The following PRDM5 variants were observed in gnomAD, a reference collection of about 807,000 sequenced individuals.
PRDM5 encodes PR domain zinc finger protein 5.
Under a neutral mutation model 81.2 loss-of-function variants are expected in PRDM5, and 56 were observed. That is an observed-to-expected ratio of 0.69 (90% CI 0.56 to 0.86). The LOEUF is 0.86. Ranked by LOEUF, PRDM5 falls within the 40% of genes least tolerant of loss-of-function variation. The pLI, the probability that PRDM5 is intolerant of heterozygous loss-of-function variation, is 0.00. For missense variants in PRDM5, 697 were observed against 770.1 expected (o/e 0.91, Z 1.12); for synonymous variants, 267 against 256.4 (o/e 1.04, Z -0.39).
At chr4:120,777,568 T>C (rs1173880474) in intron 12 of PRDM5, among the ~76,000 whole-genome samples, 1 of 152,128 alleles carries the variant, frequency 6.6e-6, no homozygotes, top group Non-Finnish European at 1.5e-5. Context: ...CAAACCAGTA[T>C]ATTCTAGCAA....
chr4:120,696,130 A>C (rs11729301), intron 15 of PRDM5, among the ~76,000 whole-genome samples: 40,377 of 151,962 alleles, frequency 0.27, 5,993 homozygotes, highest in Non-Finnish European at 0.34. Context: ...TAAGAAACTC[A>C]GAAAGGCTCA....
At chr4:120,900,417 T>C (rs1414994522) in intron 2 of PRDM5, among the ~76,000 whole-genome samples, 1 of 152,204 alleles carries the variant, frequency 6.6e-6, no homozygotes, top group Non-Finnish European at 1.5e-5. Flanking sequence ...GTCAAGGAAG[T>C]AGATGAGGAC....
chr4:120,877,002 C>T (rs1762390076), intron 2 of PRDM5, among the ~76,000 whole-genome samples: 1 of 152,078 alleles, frequency 6.6e-6, no homozygotes, highest in Non-Finnish European at 1.5e-5. Context: ...CAAAACCTAT[C>T]CAGAAAAATC....
downstream of PRDM5, among the ~76,000 whole-genome samples, chr4:120,690,574 C>T (rs144987395): frequency 6.6e-6 from 1 of 151,900 alleles, no homozygotes; most frequent in Admixed American, 6.6e-5. Flanking sequence ...GCCAGTCAAA[C>T]ATTAAAGAAA....
Position 120,765,960 on chromosome 4 carries a change from T to C in PRDM5, c.1537+11228A>G, listed in dbSNP as rs1337178277. ...TATGCAGTTGGGACTTTTTTTTTTC[T>C]TTCTTTTTTTTTTTTTTTAGACAGA... On this transcript the variant is annotated intron_variant, in intron 13 of 15. Coordinates refer to ENST00000264808, the MANE Select transcript of PRDM5 (RefSeq NM_018699.4). Among the ~76,000 whole-genome samples the C allele has an allele frequency of 2.9e-5, 4 of 136,342 alleles. No homozygotes were observed. The East Asian group carries it at 1.2e-3, about 40-fold the overall frequency. 89.4% of individuals were successfully genotyped at this position (136,342 alleles called of 152,430 possible). A position where few individuals can be genotyped will look rare whatever the true frequency, so the allele number is the denominator to read the frequency against.
At chr4:120,773,759 C>G (rs1747640507) in intron 13 of PRDM5, among the ~76,000 whole-genome samples, 1 of 152,048 alleles carries the variant, frequency 6.6e-6, no homozygotes, top group Non-Finnish European at 1.5e-5. Context: ...AAATACTTTC[C>G]CCTTCTAACT....
At chr4:120,909,828 T>C (rs1766284632) in intron 1 of PRDM5, among the ~76,000 whole-genome samples, 1 of 63,442 alleles carries the variant, frequency 1.6e-5, no homozygotes, top group South Asian at 6.1e-4. Flanking sequence ...TCACCATTAA[T>C]AGAGAACAAT....
intron 2 of PRDM5, among the ~76,000 whole-genome samples, chr4:120,855,873 G>A (rs1360162205): frequency 3.9e-5 from 6 of 152,224 alleles, no homozygotes; most frequent in African/African-American, 1.4e-4. Context: ...TGAGAGGACA[G>A]CACTACTTAG....
At chr4:120,847,756 T>C (rs1176409647) in intron 3 of PRDM5, among the ~76,000 whole-genome samples, 2 of 152,132 alleles carry the variant, frequency 1.3e-5, no homozygotes, top group Non-Finnish European at 2.9e-5. Context: ...TGCAAATAAC[T>C]CAAAAGTCAT....
chr4:120,788,015 T>C (rs1269859901), intron 10 of PRDM5, among the ~76,000 whole-genome samples: 2 of 151,918 alleles, frequency 1.3e-5, no homozygotes, highest in African/African-American at 4.8e-5. Context: ...GACTAAAGAG[T>C]AAAAACAGGC....
rs115234313 is a variant in PRDM5, at chr4:120,752,732, C to T, written c.1623+1821G>A. On this transcript the variant is annotated intron_variant, in intron 14 of 15. Coordinates refer to ENST00000264808, the MANE Select transcript of PRDM5 (RefSeq NM_018699.4). Reference sequence around the variant, plus strand: ...CAAATGGTCTTTGTAGCCAGTCTCCCTAGGTTCAAATCTCAACTCTGCCAC... The same window carrying T: ...CAAATGGTCTTTGTAGCCAGTCTCCTTAGGTTCAAATCTCAACTCTGCCAC... 2.9e-3 allele frequency among the ~76,000 whole-genome samples: 441 copies of T among 152,218 alleles called. 4 individuals carry two copies. Among genetic ancestry groups the T allele is most frequent in the African/African-American group, 0.01 (418 of 41,540 alleles).
At chr4:120,825,760 T>C (rs1484233100) in intron 3 of PRDM5, among the ~76,000 whole-genome samples, 1 of 152,208 alleles carries the variant, frequency 6.6e-6, no homozygotes, top group Admixed American at 6.5e-5. Context: ...AGCTCTTAAA[T>C]GCTCTGCCCT....
chr4:120,709,528 T>C (rs916907428), intron 15 of PRDM5, among the ~76,000 whole-genome samples: 1 of 152,190 alleles, frequency 6.6e-6, no homozygotes, highest in Non-Finnish European at 1.5e-5. Flanking sequence ...GCTTACCCTA[T>C]GCTGTATCCA....
At chr4:120,768,987 T>C (rs950205364) in intron 13 of PRDM5, among the ~76,000 whole-genome samples, 1 of 152,210 alleles carries the variant, frequency 6.6e-6, no homozygotes, top group Non-Finnish European at 1.5e-5. Flanking sequence ...AGCTCATAGA[T>C]TGGGAAGTGT....
chr4:120,799,915 G>A (rs182831871), intron 8 of PRDM5, among the ~76,000 whole-genome samples, 170 bp from the exon 9 acceptor site: 37 of 152,140 alleles, frequency 2.4e-4, no homozygotes, highest in African/African-American at 8.2e-4. Context: ...AAAATGCAGT[G>A]GACATAAGTT....
intron 3 of PRDM5, among the ~76,000 whole-genome samples, chr4:120,852,103 A>G (rs1305956034): frequency 6.6e-6 from 1 of 152,148 alleles, no homozygotes; most frequent in Non-Finnish European, 1.5e-5. Context: ...TCCTCTAAAA[A>G]CTATATCGTT....
chr4:120,796,222 T>C (rs898431038), intron 10 of PRDM5, among the ~76,000 whole-genome samples: 8 of 152,192 alleles, frequency 5.3e-5, no homozygotes, highest in Non-Finnish European at 1.2e-4. Context: ...ATCTTCTGTT[T>C]TTACATGATT....
chr4:120,840,214 C>T (rs768803072), intron 3 of PRDM5, among the ~76,000 whole-genome samples: 3 of 152,172 alleles, frequency 2.0e-5, no homozygotes, highest in South Asian at 2.1e-4. Context: ...AGGTTCTCGC[C>T]GGGCTGGGGC....
At chr4:120,793,696 G>A (rs535684883) in intron 10 of PRDM5, among the ~76,000 whole-genome samples, 2 of 152,240 alleles carry the variant, frequency 1.3e-5, no homozygotes, top group East Asian at 3.9e-4. Flanking sequence ...TTAGTGAAAT[G>A]GCTAAATCAA....
Sources: gnomAD v4.1 joint callset for allele counts (sites outside exome capture counted in the v4.1 genomes callset) on GRCh38, gnomAD v4.1.1 for gene constraint, MANE v1.5 for transcripts, NCBI Gene and HGNC (gene_info 2026-07-23, HGNC 2026-07-21) for gene names.